RBFOX1: variants seen among roughly 807,000 people sequenced by gnomAD.
The protein encoded by RBFOX1 is RNA binding fox-1 homolog 1, also known as RNA binding protein fox-1 homolog 1.
In RBFOX1, 8 loss-of-function variants were observed where a neutral mutation model predicts 57.7. That is an observed-to-expected ratio of 0.14 (90% CI 0.08 to 0.25). The LOEUF is 0.25. Among genes scored for constraint, RBFOX1 ranks in the 10% least tolerant of loss-of-function variants. The pLI is 1.00. For missense variants in RBFOX1, 611 were observed against 548.5 expected (o/e 1.11, Z -1.14); for synonymous variants, 326 against 222.4 (o/e 1.47, Z -4.15).
intron 2 of RBFOX1, among the ~76,000 whole-genome samples, chr16:6,592,126 A>G (rs1485797822): frequency 6.6e-6 from 1 of 152,230 alleles, no homozygotes; most frequent in Non-Finnish European, 1.5e-5. Flanking sequence ...TGAGTCAGCC[A>G]GAATTTCACA....
intron 4 of RBFOX1, among the ~76,000 whole-genome samples, chr16:5,952,594 A>G (rs772402692): frequency 2.0e-5 from 3 of 152,110 alleles, no homozygotes; most frequent in Non-Finnish European, 2.9e-5. Flanking sequence ...GCCTATGTAT[A>G]TATTTTTGTT....
chr16:6,831,176 G>T (rs2092683484), intron 3 of RBFOX1, among the ~76,000 whole-genome samples: 2 of 152,116 alleles, frequency 1.3e-5, no homozygotes, highest in African/African-American at 4.8e-5. Context: ...AGCATATTTG[G>T]AGGTGGGGAA....
intron 3 of RBFOX1, among the ~76,000 whole-genome samples, chr16:6,794,722 A>C (rs1051136719): frequency 4.6e-5 from 7 of 152,206 alleles, no homozygotes; most frequent in African/African-American, 1.7e-4. Context: ...TCATAATAGC[A>C]GCTTGGATCC....
chr16:5,470,655 C>G (rs777825001), intron 2 of RBFOX1, among the ~76,000 whole-genome samples: 1 of 152,080 alleles, frequency 6.6e-6, no homozygotes, highest in Non-Finnish European at 1.5e-5. Context: ...CATCATCTCT[C>G]TTTTTCTACC....
chr16:7,101,454 C>T (rs186513106), intron 4 of RBFOX1, among the ~76,000 whole-genome samples: 4 of 152,122 alleles, frequency 2.6e-5, no homozygotes, highest in East Asian at 3.9e-4. Flanking sequence ...TGAATGTATG[C>T]GTGAGATTAG....
intron 3 of RBFOX1, among the ~76,000 whole-genome samples, chr16:6,736,604 G>T (rs990794529): frequency 6.6e-6 from 1 of 152,172 alleles, no homozygotes; most frequent in African/African-American, 2.4e-5. Context: ...GTTGTGAATT[G>T]TGCCACTATA....
intron 4 of RBFOX1, among the ~76,000 whole-genome samples, chr16:7,478,423 G>C (rs549191325): frequency 6.6e-6 from 1 of 152,292 alleles, no homozygotes; most frequent in East Asian, 1.9e-4. Context: ...GAGAGTTAGA[G>C]AAATAGTGTA....
intron 4 of RBFOX1, among the ~76,000 whole-genome samples, chr16:7,303,850 C>A (rs904007373): frequency 6.8e-6 from 1 of 146,148 alleles, no homozygotes; most frequent in Non-Finnish European, 1.5e-5. Context: ...TCCTCTCCCT[C>A]CCTCCCTCCC....
chr16:7,572,845 A>G (rs941784343), intron 5 of RBFOX1, among the ~76,000 whole-genome samples: 1 of 151,740 alleles, frequency 6.6e-6, no homozygotes, highest in East Asian at 1.9e-4. Flanking sequence ...TCTCAAATGA[A>G]TAAATAAATA....
intron 4 of RBFOX1, among the ~76,000 whole-genome samples, chr16:7,078,478 G>T (rs528204631): frequency 6.6e-6 from 1 of 152,090 alleles, no homozygotes; most frequent in South Asian, 2.1e-4. Flanking sequence ...CTCCCGAGTA[G>T]CTGGGATTAT....
At chr16:6,408,225 A>T (rs552577675) in intron 2 of RBFOX1, among the ~76,000 whole-genome samples, 20 of 152,144 alleles carry the variant, frequency 1.3e-4, no homozygotes, top group Non-Finnish European at 2.2e-4. Flanking sequence ...GCAGACAAAG[A>T]CATTCCCTAA....
At chr16:5,325,145 C>A (rs966885663) in intron 1 of RBFOX1, among the ~76,000 whole-genome samples, 20 of 152,078 alleles carry the variant, frequency 1.3e-4, no homozygotes, top group African/African-American at 3.1e-4. Flanking sequence ...TGCTCTACAA[C>A]ACCTTCCCTT....
At chr16:5,856,295 A>G (rs2057053873) in intron 3 of RBFOX1, among the ~76,000 whole-genome samples, 1 of 81,454 alleles carries the variant, frequency 1.2e-5, no homozygotes, top group African/African-American at 4.4e-5. Flanking sequence ...ACACACACAC[A>G]CACACACACA....
intron 3 of RBFOX1, among the ~76,000 whole-genome samples, chr16:6,922,457 G>C (rs934933923): frequency 4.6e-5 from 7 of 152,160 alleles, no homozygotes; most frequent in Middle Eastern, 3.2e-3. Flanking sequence ...GCCTCTTCCT[G>C]AATTTGTGGG....
chr16:6,578,431 G>A (rs1490260725), intron 2 of RBFOX1, among the ~76,000 whole-genome samples: 1 of 152,162 alleles, frequency 6.6e-6, no homozygotes, highest in Admixed American at 6.5e-5. Flanking sequence ...CCTTGGCTGG[G>A]TAGCTGATGG....
intron 2 of RBFOX1, among the ~76,000 whole-genome samples, chr16:6,398,145 A>G (rs1289696460): frequency 6.6e-6 from 1 of 152,126 alleles, no homozygotes; most frequent in Non-Finnish European, 1.5e-5. Flanking sequence ...CCCCTTAGAA[A>G]ACCATCAGAT....
chr16:7,671,742 T>A (rs2071509552), intron 13 of RBFOX1: 2 of 745,966 alleles, frequency 2.7e-6, no homozygotes, highest in Non-Finnish European at 4.6e-6. Flanking sequence ...AGTTTTAATA[T>A]GAAATCTCCT....
chr16:5,388,505 T>C (rs571174526), intron 1 of RBFOX1, among the ~76,000 whole-genome samples: 5 of 152,136 alleles, frequency 3.3e-5, no homozygotes, highest in Non-Finnish European at 5.9e-5. Context: ...GCACACATAC[T>C]GTGAGCTGGA....
At chr16:6,123,735 T>C (rs1345822539) in intron 1 of RBFOX1, among the ~76,000 whole-genome samples, 1 of 152,080 alleles carries the variant, frequency 6.6e-6, no homozygotes, top group East Asian at 1.9e-4. Context: ...CAAAATCCCG[T>C]CTTTACAAAA....
Sources: allele counts gnomAD v4.1 joint callset (sites outside exome capture counted in the v4.1 genomes callset), GRCh38; gene constraint gnomAD v4.1.1; transcripts MANE v1.5; gene names NCBI Gene and HGNC (gene_info 2026-07-23, HGNC 2026-07-21).